PMFBP1: variants seen among roughly 807,000 people sequenced by gnomAD.
The protein encoded by PMFBP1 is polyamine-modulated factor 1-binding protein 1.
Under a neutral mutation model 137.8 loss-of-function variants are expected in PMFBP1, and 131 were observed. The observed-to-expected ratio is 0.95, with a 90% CI of 0.82 to 1.10. PMFBP1 has a LOEUF of 1.10. Ranked by LOEUF, PMFBP1 falls within the 50% of genes least tolerant of loss-of-function variation. The pLI, the probability that PMFBP1 is intolerant of heterozygous loss-of-function variation, is 0.00. For missense variants in PMFBP1, 1,199 were observed against 1,175.4 expected (o/e 1.02, Z -0.29); for synonymous variants, 490 against 450.4 (o/e 1.09, Z -1.11).
At position 72,136,538 on chromosome 16, in the gene PMFBP1, C is replaced by T. The variant is rs754241357; in HGVS notation, c.1113G>A (p.Lys371=). 2.9e-5 allele frequency: 47 copies of T among 1,613,868 alleles called. No homozygotes were observed. The Middle Eastern group carries it at 1.2e-3, about 40-fold the overall frequency. The change falls in exon 9 of 21, where the codon AAG becomes AAA. Residue 371 remains lysine (K), a synonymous_variant. Coordinates refer to ENST00000237353, the MANE Select transcript of PMFBP1 (RefSeq NM_031293.3). ...ACTGCAGGATGGTGATGTCCTTATC[C>T]TTCCTCTCAATGTGGGCAGATGTCT... ...REETSAHIER[K]DKDITILQCR... is the part of the protein sequence containing the mutation.
At chr16:72,173,294 T>C (rs2043237865), upstream of PMFBP1, among the ~76,000 whole-genome samples, 1 of 152,224 alleles carries the variant, frequency 6.6e-6, no homozygotes, top group African/African-American at 2.4e-5. Context: ...AAAGTTGTAA[T>C]GGAACAAATG....
intron 9 of PMFBP1, among the ~76,000 whole-genome samples, chr16:72,135,740 G>GTTTTTTTTTTTTTTTTTT (rs869189990): frequency 3.0e-4 from 20 of 66,818 alleles, no homozygotes; most frequent in Middle Eastern, 0.02. Context: ...TAATTTTTCT[G>GTTTTTTTTTTTTTTTTTT]TTTTTTTTTT....
chr16:72,187,786 C>G, the PMFBP1 span, among the ~76,000 whole-genome samples: 1 of 152,194 alleles, frequency 6.6e-6, no homozygotes, highest in Non-Finnish European at 1.5e-5. Context: ...GTTGCTAATG[C>G]TACCGGGTTA....
upstream of PMFBP1, among the ~76,000 whole-genome samples, chr16:72,174,299 C>T (rs757193460): frequency 2.0e-5 from 3 of 152,208 alleles, no homozygotes; most frequent in Admixed American, 1.3e-4. Flanking sequence ...CACCAAATGG[C>T]AGAAAACACA....
upstream of PMFBP1, among the ~76,000 whole-genome samples, chr16:72,178,507 C>T (rs1474213045): frequency 1.3e-5 from 2 of 152,118 alleles, no homozygotes; most frequent in African/African-American, 2.4e-5. Context: ...ATTTCTTCTA[C>T]ATTTATTCGC....
the PMFBP1 span, among the ~76,000 whole-genome samples, chr16:72,220,626 C>T: frequency 6.6e-6 from 1 of 152,066 alleles, no homozygotes; most frequent in Non-Finnish European, 1.5e-5. Context: ...CGAGAAAACA[C>T]AGAATGAAGA....
chr16:72,210,144 C>G, the PMFBP1 span, among the ~76,000 whole-genome samples: 1 of 152,186 alleles, frequency 6.6e-6, no homozygotes, highest in Admixed American at 6.5e-5. Context: ...TCCTGGGACT[C>G]TGACGGATGC....
chr16:72,164,534 G>A (rs760628361), intron 3 of PMFBP1: 13 of 1,345,122 alleles, frequency 9.7e-6, no homozygotes, highest in Non-Finnish European at 1.3e-5. Flanking sequence ...ATCGTGCCTA[G>A]GATGTACATG....
the PMFBP1 span, among the ~76,000 whole-genome samples, chr16:72,233,022 A>G: frequency 6.6e-6 from 1 of 152,140 alleles, no homozygotes; most frequent in Non-Finnish European, 1.5e-5. Context: ...AAAACATAAA[A>G]ACTTACAAAG....
At chr16:72,145,201 C>G (rs2042786747) in intron 5 of PMFBP1, among the ~76,000 whole-genome samples, 1 of 152,152 alleles carries the variant, frequency 6.6e-6, no homozygotes, top group Admixed American at 6.5e-5. Flanking sequence ...ACAGTGAAAT[C>G]AAATTAGAAC....
the PMFBP1 span, among the ~76,000 whole-genome samples, chr16:72,242,282 T>C: frequency 2.6e-5 from 4 of 152,260 alleles, no homozygotes; most frequent in African/African-American, 9.6e-5. Context: ...AATACCTTTG[T>C]TCTGTCAAAG....
At chr16:72,242,530 T>C in the PMFBP1 span, among the ~76,000 whole-genome samples, 2 of 152,206 alleles carry the variant, frequency 1.3e-5, no homozygotes, top group Non-Finnish European at 2.9e-5. Context: ...AATTTCTACA[T>C]TAGCTTCTGT....
At chr16:72,175,719 C>G (rs937773956), upstream of PMFBP1, among the ~76,000 whole-genome samples, 2 of 152,186 alleles carry the variant, frequency 1.3e-5, no homozygotes, top group African/African-American at 4.8e-5. Context: ...AGCCATAAGT[C>G]TTTCCTTTAC....
upstream of PMFBP1, among the ~76,000 whole-genome samples, chr16:72,177,600 A>G (rs2043263302): frequency 6.6e-6 from 1 of 152,210 alleles, no homozygotes; most frequent in Admixed American, 6.5e-5. Flanking sequence ...CAGTTTCCCC[A>G]ATATTAACAT....
At chr16:72,180,779 G>T (rs1287402578), upstream of PMFBP1, among the ~76,000 whole-genome samples, 2 of 152,166 alleles carry the variant, frequency 1.3e-5, no homozygotes, top group African/African-American at 4.8e-5. Flanking sequence ...CTGGTGCTTT[G>T]TAACTAAGAC....
the PMFBP1 span, among the ~76,000 whole-genome samples, chr16:72,197,779 G>A: frequency 6.6e-6 from 1 of 152,304 alleles, no homozygotes; most frequent in Admixed American, 6.5e-5. Context: ...AGCTGAAATT[G>A]CAGCAGTGTG....
intron 3 of PMFBP1, among the ~76,000 whole-genome samples, chr16:72,156,962 C>G (rs941459405): frequency 6.6e-6 from 1 of 151,538 alleles, no homozygotes; most frequent in African/African-American, 2.4e-5. Context: ...CTGAGGCAGG[C>G]AGATCACGAG....
chr16:72,179,595 T>TAA (rs35524855), upstream of PMFBP1, among the ~76,000 whole-genome samples: 37 of 151,014 alleles, frequency 2.5e-4, no homozygotes, highest in South Asian at 5.1e-3. Context: ...GTATTTTTGT[T>TAA]AAAAAAAAAG....
chr16:72,128,588 G>T, intron 14 of PMFBP1, 69 bp downstream of exon 14: 2 of 1,612,930 alleles, frequency 1.2e-6, no homozygotes, highest in African/African-American at 1.3e-5. Context: ...AGGAGAGGTG[G>T]GTACAGATTT....
Sources: allele counts gnomAD v4.1 joint callset (sites outside exome capture counted in the v4.1 genomes callset), GRCh38; gene constraint gnomAD v4.1.1; transcripts MANE v1.5; gene names NCBI Gene and HGNC (gene_info 2026-07-23, HGNC 2026-07-21).